LOC128462377: variants seen among roughly 807,000 people sequenced by gnomAD.
chr16:89,415,748 A>C, the LOC128462377 span, among the ~76,000 whole-genome samples: 5 of 146,478 alleles, frequency 3.4e-5, no homozygotes, highest in Non-Finnish European at 6.0e-5. Flanking sequence ...GAAACTCTTG[A>C]ATCTGGGAGG....
the LOC128462377 span, among the ~76,000 whole-genome samples, chr16:89,374,686 G>A: frequency 6.6e-6 from 1 of 152,176 alleles, no homozygotes; most frequent in Non-Finnish European, 1.5e-5. Context: ...AGAGCATCGG[G>A]AAAAGCACTT....
At chr16:89,399,325 T>C in the LOC128462377 span, among the ~76,000 whole-genome samples, 1 of 151,912 alleles carries the variant, frequency 6.6e-6, no homozygotes, top group Non-Finnish European at 1.5e-5. Context: ...CCGGCGTCCA[T>C]CCAGACAACA....
chr16:89,353,874 A>T, the LOC128462377 span, among the ~76,000 whole-genome samples: 1 of 152,246 alleles, frequency 6.6e-6, no homozygotes, highest in African/African-American at 2.4e-5. Flanking sequence ...GAAACAAGAC[A>T]GAGCAGCCTC....
the LOC128462377 span, among the ~76,000 whole-genome samples, chr16:89,401,923 A>G: frequency 1.3e-5 from 2 of 148,648 alleles, no homozygotes; most frequent in African/African-American, 4.9e-5. Context: ...ACCTGGAGAG[A>G]GGCCTGGAGC....
chr16:89,319,188 A>G, the LOC128462377 span, among the ~76,000 whole-genome samples: 134 of 152,324 alleles, frequency 8.8e-4, no homozygotes, highest in African/African-American at 3.1e-3. Flanking sequence ...CCACGGACAC[A>G]CTCAACAGCT....
the LOC128462377 span, chr16:89,324,935 C>T: frequency 1.0e-5 from 2 of 196,332 alleles, no homozygotes; most frequent in Admixed American, 1.1e-4. Context: ...CCTATTAGTG[C>T]TGTCCCTCTA....
the LOC128462377 span, among the ~76,000 whole-genome samples, chr16:89,415,294 T>C: frequency 7.0e-4 from 79 of 112,804 alleles, no homozygotes; most frequent in Non-Finnish European, 1.1e-3. Flanking sequence ...AGATGGAGTC[T>C]CCCTCTGTCG....
the LOC128462377 span, among the ~76,000 whole-genome samples, chr16:89,394,879 T>C: frequency 6.6e-6 from 1 of 152,184 alleles, no homozygotes; most frequent in African/African-American, 2.4e-5. Context: ...AGGTTGGCTG[T>C]AGCACTGTTG....
chr16:89,351,800 T>A, the LOC128462377 span, among the ~76,000 whole-genome samples: 1 of 152,210 alleles, frequency 6.6e-6, no homozygotes, highest in East Asian at 1.9e-4. Context: ...GACAGCAATG[T>A]TCTAGAACTG....
chr16:89,388,293 AT>A, the LOC128462377 span, among the ~76,000 whole-genome samples: 3,023 of 85,238 alleles, frequency 0.035, 128 homozygotes, highest in African/African-American at 0.12. Flanking sequence ...CATGAGGCTG[AT>A]TTTTTTTTTT....
chr16:89,376,235 TACA>T, the LOC128462377 span, among the ~76,000 whole-genome samples: 3 of 152,178 alleles, frequency 2.0e-5, no homozygotes, highest in South Asian at 4.1e-4. Flanking sequence ...GAAGCCATTA[TACA>T]ACAACTGAAA....
chr16:89,351,240 GAATGAA>G, the LOC128462377 span, among the ~76,000 whole-genome samples: 11 of 152,180 alleles, frequency 7.2e-5, no homozygotes, highest in African/African-American at 2.7e-4. Flanking sequence ...CCACGGCAAA[GAATGAA>G]ATTGAATGCC....
chr16:89,351,249 T>C, the LOC128462377 span, among the ~76,000 whole-genome samples: 3 of 152,080 alleles, frequency 2.0e-5, no homozygotes, highest in African/African-American at 7.2e-5. Flanking sequence ...AGAATGAAAT[T>C]GAATGCCCAT....
chr16:89,345,942 G>C, the LOC128462377 span, among the ~76,000 whole-genome samples: 2 of 152,142 alleles, frequency 1.3e-5, no homozygotes, highest in African/African-American at 2.4e-5. Flanking sequence ...TCTGAGTAAA[G>C]AACAAGAATC....
the LOC128462377 span, among the ~76,000 whole-genome samples, chr16:89,327,033 G>A: frequency 2.6e-5 from 4 of 151,814 alleles, no homozygotes; most frequent in South Asian, 2.1e-4. Flanking sequence ...GGAATGCAGA[G>A]GTGGGGAATG....
the LOC128462377 span, among the ~76,000 whole-genome samples, chr16:89,404,172 G>A: frequency 6.6e-6 from 1 of 152,174 alleles, no homozygotes; most frequent in Non-Finnish European, 1.5e-5. Context: ...CCCACAGGTG[G>A]CTCGACCCAC....
the LOC128462377 span, among the ~76,000 whole-genome samples, chr16:89,331,246 G>A: frequency 3.9e-5 from 6 of 152,184 alleles, no homozygotes; most frequent in Admixed American, 6.5e-5. Context: ...GAGCCACTGC[G>A]CCCGGCCTGA....
chr16:89,343,195 T>C, the LOC128462377 span, among the ~76,000 whole-genome samples: 6 of 152,138 alleles, frequency 3.9e-5, no homozygotes, highest in Non-Finnish European at 5.9e-5. Context: ...TTCACCATGT[T>C]GGCCAGGCTG....
chr16:89,385,021 A>C, the LOC128462377 span, among the ~76,000 whole-genome samples: 1 of 148,792 alleles, frequency 6.7e-6, no homozygotes, highest in East Asian at 2.0e-4. Flanking sequence ...AAGTAGCTGG[A>C]ACTACAGGCA....
Sources: allele counts gnomAD v4.1 joint callset (sites outside exome capture counted in the v4.1 genomes callset), GRCh38; gene constraint gnomAD v4.1.1; transcripts MANE v1.5.